DGKB: variants seen among roughly 807,000 people sequenced by gnomAD.
DGKB encodes the protein 90 kDa diacylglycerol kinase.
In DGKB, 67 loss-of-function variants were observed where a neutral mutation model predicts 114.3. The ratio of observed to expected loss-of-function variants is 0.59; its 90% CI spans 0.48 to 0.72. The LOEUF is 0.72. Among genes scored for constraint, DGKB ranks in the 30% least tolerant of loss-of-function variants. The pLI is 0.00. For missense variants in DGKB, 907 were observed against 975.2 expected (o/e 0.93, Z 0.93); for synonymous variants, 398 against 323.1 (o/e 1.23, Z -2.49).
chr7:14,158,581 C>T (rs181156660), intron 25 of DGKB, among the ~76,000 whole-genome samples: 12 of 152,280 alleles, frequency 7.9e-5, no homozygotes, highest in Admixed American at 6.5e-4. Context: ...AAGACTTTCT[C>T]CTCAACGTTA....
intron 5 of DGKB, among the ~76,000 whole-genome samples, chr7:14,725,669 T>C (rs1829916988): frequency 6.6e-6 from 1 of 151,868 alleles, no homozygotes; most frequent in Non-Finnish European, 1.5e-5. Flanking sequence ...CACCTCAGCC[T>C]CCAAGAAGCT....
chr7:14,189,638 A>T (rs538542887), intron 23 of DGKB, among the ~76,000 whole-genome samples: 1 of 152,272 alleles, frequency 6.6e-6, no homozygotes, highest in African/African-American at 2.4e-5. Context: ...AAAATAAAAT[A>T]AGACCCAACT....
chr7:14,825,913 A>C (rs1845645234), intron 2 of DGKB, among the ~76,000 whole-genome samples: 1 of 152,194 alleles, frequency 6.6e-6, no homozygotes, highest in African/African-American at 2.4e-5. Context: ...AGGAACACAA[A>C]CACGGAGGTC....
At chr7:14,698,305 T>C in intron 7 of DGKB, 136 bp from the exon 8 acceptor site, 1 of 526,878 alleles carries the variant, frequency 1.9e-6, no homozygotes, top group Non-Finnish European at 3.3e-6. Context: ...TATATGTACA[T>C]AATCCTTTTT....
chr7:14,758,921 AT>A (rs1835286106), intron 2 of DGKB, among the ~76,000 whole-genome samples: 1 of 145,320 alleles, frequency 6.9e-6, no homozygotes, highest in Non-Finnish European at 1.5e-5. Flanking sequence ...AGATAGATAG[AT>A]AGATAGATAG....
At chr7:14,777,331 A>G (rs1407112490) in intron 2 of DGKB, among the ~76,000 whole-genome samples, 1 of 152,078 alleles carries the variant, frequency 6.6e-6, no homozygotes, top group East Asian at 1.9e-4. Flanking sequence ...TTGTGTTTTG[A>G]AATGTGAGGA....
chr7:14,507,898 T>C (rs1434200672), intron 20 of DGKB, among the ~76,000 whole-genome samples: 2 of 152,290 alleles, frequency 1.3e-5, no homozygotes, highest in South Asian at 2.1e-4. Flanking sequence ...CCTAAGCTTA[T>C]AGTACATACT....
At chr7:14,750,165 T>G (rs1368167891) in intron 4 of DGKB, 1 of 518,360 alleles carries the variant, frequency 1.9e-6, no homozygotes, top group Non-Finnish European at 3.9e-6. Flanking sequence ...TAATTGACAC[T>G]GAAGACATAA....
chr7:14,736,791 C>T (rs796758280), intron 4 of DGKB, among the ~76,000 whole-genome samples: 20 of 152,300 alleles, frequency 1.3e-4, no homozygotes, highest in African/African-American at 4.8e-4. Flanking sequence ...ATACTCATTG[C>T]AGAACTATAT....
At chr7:14,878,618 G>A (rs563010186) in intron 1 of DGKB, among the ~76,000 whole-genome samples, 16 of 151,558 alleles carry the variant, frequency 1.1e-4, no homozygotes, top group South Asian at 4.2e-4. Flanking sequence ...GCGTAGTGGC[G>A]GGCGCCTGTA....
At chr7:14,210,510 T>TTAA in intron 23 of DGKB, among the ~76,000 whole-genome samples, 1 of 152,092 alleles carries the variant, frequency 6.6e-6, no homozygotes, top group Non-Finnish European at 1.5e-5. Context: ...TAACAGGGTT[T>TTAA]TAATATGTTG....
At chr7:14,672,008 T>C (rs1819044497) in intron 13 of DGKB, among the ~76,000 whole-genome samples, 1 of 152,068 alleles carries the variant, frequency 6.6e-6, no homozygotes, top group Non-Finnish European at 1.5e-5. Context: ...TCCTCTATTT[T>C]TGTAGTTTGA....
At chr7:14,348,547 G>A (rs1336106143) in intron 21 of DGKB, among the ~76,000 whole-genome samples, 1 of 151,542 alleles carries the variant, frequency 6.6e-6, no homozygotes, top group Non-Finnish European at 1.5e-5. Flanking sequence ...AGAAATACAA[G>A]TTAAAACCAC....
intron 5 of DGKB, among the ~76,000 whole-genome samples, chr7:14,723,812 T>A (rs1396094684): frequency 6.6e-6 from 1 of 152,158 alleles, no homozygotes. Flanking sequence ...TTAGCATTAG[T>A]CATATCGAAT....
intron 15 of DGKB, among the ~76,000 whole-genome samples, chr7:14,618,963 G>T (rs1807084633): frequency 6.6e-6 from 1 of 151,114 alleles, no homozygotes. Context: ...AAACATTTTG[G>T]TATTTTAAAA....
At chr7:14,401,633 T>C (rs1823116620) in intron 21 of DGKB, among the ~76,000 whole-genome samples, 1 of 151,886 alleles carries the variant, frequency 6.6e-6, no homozygotes, top group African/African-American at 2.4e-5. Flanking sequence ...CTTTACTATG[T>C]TAGGGGTATC....
chr7:14,404,824 T>C (rs1438075308), intron 21 of DGKB, among the ~76,000 whole-genome samples: 1 of 151,844 alleles, frequency 6.6e-6, no homozygotes, highest in Non-Finnish European at 1.5e-5. Context: ...TCTCTGCTTT[T>C]CCTTGTCTTT....
At chr7:14,190,608 A>C (rs1784151366) in intron 23 of DGKB, among the ~76,000 whole-genome samples, 1 of 152,118 alleles carries the variant, frequency 6.6e-6, no homozygotes, top group African/African-American at 2.4e-5. Context: ...AAAATGAAGA[A>C]TTTGTTTTTT....
chr7:14,369,981 T>C (rs1163404382), intron 21 of DGKB, among the ~76,000 whole-genome samples: 1 of 152,240 alleles, frequency 6.6e-6, no homozygotes, highest in African/African-American at 2.4e-5. Flanking sequence ...TTGGCTTCTG[T>C]TGCCATTGCT....
Sources: allele counts gnomAD v4.1 joint callset (sites outside exome capture counted in the v4.1 genomes callset), GRCh38; gene constraint gnomAD v4.1.1; transcripts MANE v1.5; gene names NCBI Gene and HGNC (gene_info 2026-07-23, HGNC 2026-07-21).